The following CMBL variants were observed in gnomAD, a reference collection of about 807,000 sequenced individuals.
The protein encoded by CMBL is carboxymethylenebutenolidase homolog.
Under a neutral mutation model 28.7 loss-of-function variants are expected in CMBL, and 17 were observed. That is an observed-to-expected ratio of 0.59 (90% CI 0.41 to 0.89). The LOEUF (loss-of-function observed/expected upper bound fraction) is 0.89, where lower values mean the gene tolerates loss of function less well. Among genes scored for constraint, CMBL ranks in the 40% least tolerant of loss-of-function variants. The pLI is 0.00. For synonymous variants in CMBL, 106 were observed against 101.6 expected (o/e 1.04, Z -0.26); for missense variants, 310 against 298.5 (o/e 1.04, Z -0.28).
Position 10,282,247 on chromosome 5 carries a change from G to A in CMBL, c.508C>T (p.Pro170Ser). 1 of 1,613,050 alleles carries A rather than the reference G, an allele frequency of 6.2e-7. No individual in the cohort carries two copies. Among genetic ancestry groups the A allele is most frequent in the Non-Finnish European group, 8.5e-7 (1 of 1,179,070 alleles). The change falls in exon 5 of 6, where the codon CCC becomes TCC. Residue 170 changes from proline to serine, a missense_variant. Transcript: ENST00000296658. ...DSEDIYNLKN[P>S]TLFIFAENDV... ...TTTTCAGCAAAAATGAACAAAGTGGGGTTCTTTAAATTGTAAATGTCTTCA... is the reference window on the plus strand; with the variant it reads ...TTTTCAGCAAAAATGAACAAAGTGGAGTTCTTTAAATTGTAAATGTCTTCA...
chr5:10,303,912 G>A (rs1423918186), intron 1 of CMBL, among the ~76,000 whole-genome samples: 1 of 152,142 alleles, frequency 6.6e-6, no homozygotes, highest in East Asian at 1.9e-4. Flanking sequence ...GTCTACAGAG[G>A]GTGCACAGTA....
chr5:10,298,009 C>G (rs761982907), intron 1 of CMBL, among the ~76,000 whole-genome samples: 3 of 151,884 alleles, frequency 2.0e-5, no homozygotes, highest in Non-Finnish European at 2.9e-5. Context: ...GCGAGAAGTA[C>G]GTATGGCTGT....
chr5:10,279,607 C>A lies in CMBL; in HGVS notation c.*846G>T, dbSNP rs908248081. On this transcript the variant is annotated 3_prime_UTR_variant, in exon 6 of 6. Transcript: ENST00000296658. ...TCCAGGCTGGAGTGCAGTAGCGCAACCTCGACTCACTGCAACCTCTGCCTC... is the reference window on the plus strand; with the variant it reads ...TCCAGGCTGGAGTGCAGTAGCGCAAACTCGACTCACTGCAACCTCTGCCTC... 6.6e-6 allele frequency: 1 copy of A among 151,292 alleles called. No homozygotes were observed. The highest frequency in any genetic ancestry group is 2.4e-5 in the African/African-American group (1 of 41,092). 9.4% of individuals were successfully genotyped at this position (151,292 alleles called of 1,614,324 possible).
intron 4 of CMBL, among the ~76,000 whole-genome samples, chr5:10,283,092 G>GAAAAAAAAA (rs70944000): frequency 3.3e-5 from 4 of 119,996 alleles, no homozygotes; most frequent in Admixed American, 9.0e-5. Flanking sequence ...CTCCGTCTCA[G>GAAAAAAAAA]AAAAAAAAAA....
chr5:10,286,561 C>A, intron 3 of CMBL, 65 bp from the exon 4 acceptor site: 1 of 1,483,254 alleles, frequency 6.7e-7, no homozygotes, highest in Non-Finnish European at 9.2e-7. Context: ...AAGAGCTGTG[C>A]TGATGATAAC....
At chr5:10,293,930 A>T in intron 1 of CMBL, among the ~76,000 whole-genome samples, 1 of 152,214 alleles carries the variant, frequency 6.6e-6, no homozygotes, top group South Asian at 2.1e-4. Context: ...AAAGAAGACA[A>T]TGTTGGTTGA....
rs554598360 is a variant in CMBL at position 10,281,230 on chromosome 5, T to C, written c.559-598A>G. On this transcript the variant is annotated intron_variant, in intron 5 of 5. Coordinates refer to ENST00000296658, the MANE Select transcript of CMBL (RefSeq NM_138809.4). ...TAATTTCTAAATGACTGCTTTTTTT[T>C]CTTAAGAGTCAGGGTCTCACTCTGT... Among the ~76,000 whole-genome samples, 8 of 152,354 alleles carry C rather than the reference T, an allele frequency of 5.3e-5. No homozygotes were observed. In the South Asian group the frequency reaches 1.0e-3, roughly 20 times the overall value.
chr5:10,291,167 A>G (rs1015857189), intron 1 of CMBL, among the ~76,000 whole-genome samples: 3 of 152,038 alleles, frequency 2.0e-5, no homozygotes, highest in African/African-American at 7.3e-5. Flanking sequence ...GGTGCTTAGG[A>G]TTTTGTGTCG....
chr5:10,287,558 A>T (rs1746627292), intron 3 of CMBL, among the ~76,000 whole-genome samples: 1 of 152,168 alleles, frequency 6.6e-6, no homozygotes, highest in Non-Finnish European at 1.5e-5. Flanking sequence ...TCGGTGACAG[A>T]TGCACTAAAA....
chr5:10,286,768 G>A (rs1746611856), intron 3 of CMBL, among the ~76,000 whole-genome samples: 2 of 152,146 alleles, frequency 1.3e-5, no homozygotes, highest in South Asian at 2.1e-4. Flanking sequence ...ACTCCCAGCT[G>A]AGAGCTGAGC....
chr5:10,290,295 A>T, intron 2 of CMBL: 1 of 496,652 alleles, frequency 2.0e-6, no homozygotes, highest in Non-Finnish European at 3.6e-6. Flanking sequence ...AAGAATTCTC[A>T]ATGTCCAGCA....
intron 2 of CMBL, 139 bp downstream of exon 2, chr5:10,290,409 C>T (rs527402564): frequency 2.3e-5 from 16 of 685,420 alleles, no homozygotes; most frequent in South Asian, 3.7e-5. Context: ...TCTATCTTCA[C>T]GGCAGTGAGA....
chr5:10,294,467 G>C (rs1260806634), intron 1 of CMBL, among the ~76,000 whole-genome samples: 1 of 152,178 alleles, frequency 6.6e-6, no homozygotes, highest in Non-Finnish European at 1.5e-5. Flanking sequence ...AGGAGGCTGA[G>C]GTAGGGGGAT....
intron 1 of CMBL, among the ~76,000 whole-genome samples, chr5:10,291,244 G>A (rs938554527): frequency 6.6e-6 from 1 of 152,114 alleles, no homozygotes; most frequent in Non-Finnish European, 1.5e-5. Context: ...CTGCAATGTC[G>A]AGCCCCAAAG....
chr5:10,288,435 G>T lies in CMBL; in HGVS notation c.310C>A (p.Gln104Lys). 6.2e-7 allele frequency: 1 copy of T among 1,613,110 alleles called. No individual in the cohort carries two copies. Among genetic ancestry groups the T allele is most frequent in the Non-Finnish European group, 8.5e-7 (1 of 1,179,180 alleles). Reference protein sequence around the residue: ...FPEWLKTRNAQKIDREISAIL... With the variant: ...FPEWLKTRNAKKIDREISAIL... ...CGGATAACTCACCTATCGATCTTCTGGGCATTTCTTGTTTTCAGCCACTCA... is the reference window on the plus strand; with the variant it reads ...CGGATAACTCACCTATCGATCTTCTTGGCATTTCTTGTTTTCAGCCACTCA... The change falls in exon 3 of 6, where the codon CAG becomes AAG. Residue 104 changes from glutamine (Q) to lysine (K), a missense_variant. By Grantham distance (53) the Gln-to-Lys change is moderately conservative. Coordinates refer to ENST00000296658, the MANE Select transcript of CMBL (RefSeq NM_138809.4).
intron 3 of CMBL, among the ~76,000 whole-genome samples, 192 bp downstream of exon 3, chr5:10,288,230 G>A (rs796378033): frequency 8.5e-5 from 13 of 152,116 alleles, no homozygotes; most frequent in African/African-American, 2.6e-4. Flanking sequence ...TCATGCCACT[G>A]CTCTCCAGCC....
chr5:10,299,400 G>A (rs970893422), intron 1 of CMBL, among the ~76,000 whole-genome samples: 1 of 152,336 alleles, frequency 6.6e-6, no homozygotes, highest in Non-Finnish European at 1.5e-5. Context: ...GCAAAAGTCT[G>A]TTAACACAGA....
chr5:10,282,410 T>C (rs1746510827), intron 4 of CMBL, 122 bp from the exon 5 acceptor site: 1 of 626,806 alleles, frequency 1.6e-6, no homozygotes, highest in East Asian at 2.9e-5. Flanking sequence ...GGGTTTGATT[T>C]TTCAAAGTAA....
intron 4 of CMBL, among the ~76,000 whole-genome samples, chr5:10,283,621 A>C (rs944528442): frequency 6.6e-6 from 1 of 152,186 alleles, no homozygotes; most frequent in African/African-American, 2.4e-5. Flanking sequence ...TCTACTAAAA[A>C]TACAAAATTA....
Sources: gnomAD v4.1 joint callset for allele counts (sites outside exome capture counted in the v4.1 genomes callset) on GRCh38, gnomAD v4.1.1 for gene constraint, MANE v1.5 for transcripts, NCBI Gene and HGNC (gene_info 2026-07-23, HGNC 2026-07-21) for gene names.